Variants in CALCR observed in about 807,000 individuals in gnomAD.
CALCR encodes calcitonin receptor.
Under a neutral mutation model 59.5 loss-of-function variants are expected in CALCR, and 47 were observed. The observed-to-expected ratio is 0.79, with a 90% confidence interval of 0.63 to 1.01. CALCR has a LOEUF of 1.01. CALCR is among the 50% of genes least tolerant of loss of function. The pLI is 0.00. For missense variants in CALCR, 566 were observed against 597.1 expected, an observed-to-expected ratio of 0.95 and a Z score of 0.54; for synonymous variants, 213 against 211.3, an observed-to-expected ratio of 1.01 and a Z score of -0.07.
chr7:93,433,209 G>A lies in CALCR; in HGVS notation c.1191+1044C>T, dbSNP rs147326112. Among the ~76,000 whole-genome samples, 111 of 152,262 alleles carry A rather than the reference G, an allele frequency of 7.3e-4. 1 individual carries two copies. Among genetic ancestry groups the A allele is most frequent in the Non-Finnish European group, 1.1e-3 (77 of 68,012 alleles). On this transcript the variant is annotated intron_variant, in intron 13 of 13. Coordinates refer to ENST00000426151, the MANE Select transcript of CALCR (RefSeq NM_001742.4). The stretch of plus-strand genomic sequence containing the variant: ...TAAATATTATTTAACTTAGTAAAAA[G>A]ATAGAGAATAAATTAGCAACTGACA...
At chr7:93,509,518 A>G (rs1801499668) in intron 2 of CALCR, among the ~76,000 whole-genome samples, 1 of 152,164 alleles carries the variant, frequency 6.6e-6, no homozygotes, top group Non-Finnish European at 1.5e-5. Flanking sequence ...AAAAATTCCA[A>G]TTTAGAATCA....
At chr7:93,502,488 C>T (rs1801338932) in intron 2 of CALCR, among the ~76,000 whole-genome samples, 1 of 152,026 alleles carries the variant, frequency 6.6e-6, no homozygotes, top group Admixed American at 6.6e-5. Flanking sequence ...TTGATCTACT[C>T]TTAAAGATTA....
intron 2 of CALCR, among the ~76,000 whole-genome samples, chr7:93,549,017 T>A (rs1789377609): frequency 6.6e-6 from 1 of 152,086 alleles, no homozygotes; most frequent in Admixed American, 6.6e-5. Context: ...TACGTTGGAT[T>A]TAAGTTATTT....
intron 2 of CALCR, among the ~76,000 whole-genome samples, chr7:93,508,392 GA>G (rs1344441286): frequency 1.3e-5 from 2 of 152,102 alleles, no homozygotes; most frequent in Non-Finnish European, 2.9e-5. Flanking sequence ...AAGGAGGGTG[GA>G]ACATTATTTT....
At chr7:93,481,935 C>T (rs1051947789) in intron 3 of CALCR, among the ~76,000 whole-genome samples, 6 of 151,832 alleles carry the variant, frequency 4.0e-5, no homozygotes, top group African/African-American at 1.4e-4. Flanking sequence ...ATGAGCCCAA[C>T]ATTGTGCCAG....
At chr7:93,477,185 A>G (rs1044263204) in intron 5 of CALCR, among the ~76,000 whole-genome samples, 2 of 151,868 alleles carry the variant, frequency 1.3e-5, no homozygotes, top group Non-Finnish European at 2.9e-5. Flanking sequence ...TTGTGCCCAT[A>G]GCTAATCCAT....
chr7:93,529,547 C>A (rs948663875), intron 2 of CALCR, among the ~76,000 whole-genome samples: 2 of 152,170 alleles, frequency 1.3e-5, no homozygotes, highest in Non-Finnish European at 2.9e-5. Flanking sequence ...TGAAGAACCA[C>A]AAGAACTACA....
intron 2 of CALCR, among the ~76,000 whole-genome samples, chr7:93,561,406 C>T (rs1225330505): frequency 6.6e-6 from 1 of 152,068 alleles, no homozygotes; most frequent in African/African-American, 2.4e-5. Flanking sequence ...TTGGGTACCA[C>T]CCTTCATTCC....
At chr7:93,484,158 T>C (rs1044265407) in intron 3 of CALCR, 6 of 275,378 alleles carry the variant, frequency 2.2e-5, no homozygotes, top group African/African-American at 1.1e-4. Flanking sequence ...CCTGCTCTCA[T>C]AGAGCTTACA....
intron 2 of CALCR, among the ~76,000 whole-genome samples, chr7:93,568,901 A>G (rs1489894345): frequency 1.3e-5 from 2 of 151,932 alleles, no homozygotes; most frequent in African/African-American, 4.8e-5. Context: ...CTCCAAATTC[A>G]ACTATTTATC....
Position 93,426,430 on chromosome 7 carries a change from G to C in CALCR, c.1351C>G (p.Pro451Ala), listed in dbSNP as rs780517565. The C allele has an allele frequency of 6.2e-7, 1 of 1,613,904 alleles. No homozygotes were observed. The highest frequency in any genetic ancestry group is 2.2e-5 in the East Asian group (1 of 44,846). The stretch of plus-strand genomic sequence containing the variant: ...CTCTCCTCGCCTTGGTTGTTGGCTG[G>C]TTCATTCCTCAGCTCCTGATGGCAG... ...YICHQELRNE[P>A]ANNQGEESAE... Residue 451 changes from proline (P) to alanine (A), a missense_variant, in exon 14 of 14, where the codon CCA (proline) becomes GCA (alanine). Coordinates refer to ENST00000426151, the MANE Select transcript of CALCR (RefSeq NM_001742.4).
intron 5 of CALCR, among the ~76,000 whole-genome samples, chr7:93,473,215 C>A (rs1406362358): frequency 6.6e-6 from 1 of 151,804 alleles, no homozygotes; most frequent in Admixed American, 6.6e-5. Context: ...AAGATCTCCA[C>A]CTTCGCTATG....
At chr7:93,571,553 T>A (rs1790005075) in intron 2 of CALCR, among the ~76,000 whole-genome samples, 1 of 151,920 alleles carries the variant, frequency 6.6e-6, no homozygotes, top group Admixed American at 6.6e-5. Flanking sequence ...AGTTATGGAA[T>A]CAGAAGTCAA....
intron 2 of CALCR, among the ~76,000 whole-genome samples, chr7:93,510,897 T>C (rs1240665829): frequency 1.3e-5 from 2 of 151,340 alleles, no homozygotes; most frequent in African/African-American, 2.4e-5. Flanking sequence ...CAAACAAAAA[T>C]TATTTAGGAG....
At position 93,572,964 on chromosome 7, in the gene CALCR, C is replaced by A. The variant is rs1339910326; in HGVS notation, c.-27+1325G>T. On this transcript the variant is annotated intron_variant, in intron 2 of 13. Transcript: ENST00000426151. ...CATAAAATAAACTACAGGTTAGAGG[C>A]ATTGAACCAGAACAAATCCTGGCTG... Among the ~76,000 whole-genome samples the A allele has an allele frequency of 2.0e-5, 3 of 152,096 alleles. 1 individual carries two copies. Among genetic ancestry groups the A allele is most frequent in the Admixed American group, 2.0e-4 (3 of 15,276 alleles).
intron 2 of CALCR, among the ~76,000 whole-genome samples, chr7:93,487,320 T>C (rs951020207): frequency 1.3e-5 from 2 of 151,336 alleles, no homozygotes; most frequent in Admixed American, 1.3e-4. Context: ...AGTTAACATG[T>C]GTCATTGATA....
chr7:93,549,406 G>T (rs945879235), intron 2 of CALCR, among the ~76,000 whole-genome samples: 4 of 152,130 alleles, frequency 2.6e-5, no homozygotes, highest in African/African-American at 9.7e-5. Flanking sequence ...AAGGGAGAAT[G>T]AGGTCCTCTC....
intron 5 of CALCR, among the ~76,000 whole-genome samples, chr7:93,475,314 T>C (rs1304854671): frequency 2.0e-5 from 3 of 151,774 alleles, no homozygotes; most frequent in Non-Finnish European, 4.4e-5. Context: ...ATAAGAAAAC[T>C]TAAAACTGTA....
chr7:93,535,428 C>T (rs1788959049), intron 2 of CALCR, among the ~76,000 whole-genome samples: 1 of 151,690 alleles, frequency 6.6e-6, no homozygotes, highest in Non-Finnish European at 1.5e-5. Flanking sequence ...TCTTGCTTCA[C>T]TTTTTATTCT....
Sources: allele counts gnomAD v4.1 joint callset (sites outside exome capture counted in the v4.1 genomes callset), GRCh38; gene constraint gnomAD v4.1.1; transcripts MANE v1.5; gene names NCBI Gene and HGNC (gene_info 2026-07-23, HGNC 2026-07-21).